TMPRSS11E: variants seen among roughly 807,000 people sequenced by gnomAD.
TMPRSS11E encodes the protein transmembrane serine protease 11E.
In TMPRSS11E, 38 loss-of-function variants were observed where a neutral mutation model predicts 48.1. The observed-to-expected ratio is 0.79, with a 90% CI of 0.61 to 1.04. TMPRSS11E has a LOEUF of 1.04. Among genes scored for constraint, TMPRSS11E ranks in the 50% least tolerant of loss-of-function variants. TMPRSS11E has a pLI of 0.00. For synonymous variants in TMPRSS11E, 158 were observed against 171.9 expected (o/e 0.92, Z 0.63); for missense variants, 530 against 510.8 (o/e 1.04, Z -0.36).
chr4:68,483,582 C>T (rs758514469), intron 9 of TMPRSS11E, among the ~76,000 whole-genome samples: 16 of 152,018 alleles, frequency 1.1e-4, no homozygotes, highest in East Asian at 1.9e-4. Context: ...TTCTGTAGGT[C>T]GTCTGTTTAC....
rs1293597574 is a variant in TMPRSS11E, at chr4:68,466,767, A to C, written c.258+15A>C. On this transcript the variant is annotated intron_variant, in intron 3 of 9. Transcript: ENST00000305363. The stretch of plus-strand genomic sequence containing the variant: ...TTGAATCAATGGTAAGCAACTTGTC[A>C]TCTACTTCTAGTGCATTTGCTTTCA... 2 of 1,613,160 alleles carry C rather than the reference A, an allele frequency of 1.2e-6. No homozygotes were observed. Among genetic ancestry groups the C allele is most frequent in the South Asian group, 2.2e-5 (2 of 90,986 alleles).
chr4:68,490,800 C>G (rs1242248861), intron 9 of TMPRSS11E, among the ~76,000 whole-genome samples: 1 of 121,228 alleles, frequency 8.2e-6, no homozygotes, highest in Non-Finnish European at 1.6e-5. Flanking sequence ...CGCTTGTTGC[C>G]CAGGCTGGAG....
At chr4:68,487,018 G>A (rs1455081908) in intron 9 of TMPRSS11E, among the ~76,000 whole-genome samples, 1 of 152,102 alleles carries the variant, frequency 6.6e-6, no homozygotes, top group Non-Finnish European at 1.5e-5. Context: ...GAGTGTCATT[G>A]CATTTGAGAT....
chr4:68,474,647 T>G, intron 5 of TMPRSS11E, 76 bp from the exon 6 acceptor site: 1 of 1,341,760 alleles, frequency 7.5e-7, no homozygotes, highest in Non-Finnish European at 1.1e-6. Flanking sequence ...TAAGCAGCCT[T>G]TTAGTATTTG....
chr4:68,482,496 A>C (rs1006390062), intron 9 of TMPRSS11E, among the ~76,000 whole-genome samples: 1 of 150,638 alleles, frequency 6.6e-6, no homozygotes, highest in African/African-American at 2.4e-5. Flanking sequence ...GCTCACACCT[A>C]TAATCCCAGC....
intron 1 of TMPRSS11E, among the ~76,000 whole-genome samples, chr4:68,457,671 TA>T (rs1728671058): frequency 6.6e-6 from 1 of 151,952 alleles, no homozygotes; most frequent in African/African-American, 2.4e-5. Context: ...TGATGTCTGT[TA>T]TACGTATCTC....
intron 1 of TMPRSS11E, among the ~76,000 whole-genome samples, chr4:68,455,597 A>T (rs1728608271): frequency 6.6e-6 from 1 of 151,962 alleles, no homozygotes; most frequent in African/African-American, 2.4e-5. Flanking sequence ...CTAAAATTTT[A>T]AAAAGTTTCT....
intron 9 of TMPRSS11E, among the ~76,000 whole-genome samples, chr4:68,484,997 A>G (rs2708682): frequency 0.94 from 142,573 of 152,192 alleles, 67,422 homozygotes; most frequent in Non-Finnish European, 1. Context: ...GAATAACAGT[A>G]GTGAGAGTGC....
intron 9 of TMPRSS11E, among the ~76,000 whole-genome samples, chr4:68,491,796 A>G (rs955292): frequency 6.6e-6 from 1 of 152,176 alleles, no homozygotes; most frequent in Admixed American, 6.5e-5. Flanking sequence ...CTGTATTCAT[A>G]AAATGGTACC....
At chr4:68,456,149 G>A (rs1201273840) in intron 1 of TMPRSS11E, among the ~76,000 whole-genome samples, 3 of 151,916 alleles carry the variant, frequency 2.0e-5, no homozygotes. Flanking sequence ...TATTTATGTA[G>A]TACACCTATC....
rs192145677 is a variant in TMPRSS11E at position 68,462,379 on chromosome 4, C to T, written c.136+434C>T. Among the ~76,000 whole-genome samples, 54 of 148,586 alleles carry T rather than the reference C, an allele frequency of 3.6e-4. No individual in the cohort carries two copies. The East Asian group carries it at 9.3e-3, about 26-fold the overall frequency. ...ATCACTTGAGGTCAGGAGTTTGAGACCAGGCTGGCCAACATGGTGAAACCC... is the reference window on the plus strand; with the variant it reads ...ATCACTTGAGGTCAGGAGTTTGAGATCAGGCTGGCCAACATGGTGAAACCC... On this transcript the variant is annotated intron_variant, in intron 2 of 9. Transcript: ENST00000305363.
At chr4:68,481,460 A>C (rs1036640409) in intron 9 of TMPRSS11E, among the ~76,000 whole-genome samples, 4 of 152,074 alleles carry the variant, frequency 2.6e-5, no homozygotes, top group Admixed American at 1.3e-4. Flanking sequence ...AACCTCAACA[A>C]CATCTGTTGT....
intron 9 of TMPRSS11E, among the ~76,000 whole-genome samples, chr4:68,487,941 CAAAA>C (rs56299530): frequency 0.33 from 29,270 of 89,378 alleles, 2,962 homozygotes; most frequent in Middle Eastern, 0.45. Context: ...GACTCTGTCT[CAAAA>C]AAAAAAAAAA....
At chr4:68,478,670 G>A (rs1035895533) in intron 8 of TMPRSS11E, among the ~76,000 whole-genome samples, 179 bp from the exon 9 acceptor site, 19 of 151,706 alleles carry the variant, frequency 1.3e-4, no homozygotes, top group Admixed American at 1.1e-3. Flanking sequence ...GGCCAAGCTG[G>A]TCTTGAACTC....
chr4:68,476,534 C>T, intron 7 of TMPRSS11E, 96 bp downstream of exon 7: 3 of 1,302,454 alleles, frequency 2.3e-6, no homozygotes, highest in South Asian at 3.0e-5. Flanking sequence ...ATGAGTTTAG[C>T]ATAAATTAAA....
intron 3 of TMPRSS11E, among the ~76,000 whole-genome samples, chr4:68,466,960 A>T (rs796832413): frequency 2.2e-4 from 33 of 152,280 alleles, no homozygotes; most frequent in African/African-American, 7.9e-4. Context: ...AAGAAACTTT[A>T]GCCATTCGGT....
At chr4:68,459,526 A>G (rs1728730469) in intron 1 of TMPRSS11E, among the ~76,000 whole-genome samples, 1 of 152,156 alleles carries the variant, frequency 6.6e-6, no homozygotes, top group Non-Finnish European at 1.5e-5. Flanking sequence ...TAGTTTCATT[A>G]TTTATGAAAA....
At chr4:68,471,917 T>C (rs1023410988) in intron 5 of TMPRSS11E, among the ~76,000 whole-genome samples, 4 of 151,958 alleles carry the variant, frequency 2.6e-5, no homozygotes, top group South Asian at 4.1e-4. Context: ...TTGTATTTTC[T>C]TCTTTTTCTT....
In TMPRSS11E at chr4:68,468,886, A is replaced by G. The variant is rs1464876305; in HGVS notation, c.266A>G (p.Asn89Ser). The stretch of plus-strand genomic sequence containing the variant: ...GAATATTTTTACAAACAGGTGAAAA[A>G]TGCATTTTATAAATCTCCATTAAGG... The part of the protein sequence containing the change: ...MSQRLESMVK[N>S]AFYKSPLREE... Residue 89 changes from asparagine (N) to serine (S), a missense_variant, in exon 4 of 10, where the codon AAT (asparagine) becomes AGT (serine). Coordinates refer to ENST00000305363, the MANE Select transcript of TMPRSS11E (RefSeq NM_014058.4). 6.2e-7 allele frequency: 1 copy of G among 1,604,704 alleles called. No individual in the cohort carries two copies. Among genetic ancestry groups the G allele is most frequent in the Non-Finnish European group, 8.5e-7 (1 of 1,171,882 alleles).
Sources: allele counts gnomAD v4.1 joint callset (sites outside exome capture counted in the v4.1 genomes callset), GRCh38; gene constraint gnomAD v4.1.1; transcripts MANE v1.5; gene names NCBI Gene and HGNC (gene_info 2026-07-23, HGNC 2026-07-21).